SCARB1: variants seen among roughly 807,000 people sequenced by gnomAD.
SCARB1 encodes the protein scavenger receptor class B member 1, also known as CD36 and LIMPII analogous 1.
In SCARB1, 30 loss-of-function variants were observed where a neutral mutation model predicts 57.2. That is an observed-to-expected ratio of 0.52 (90% confidence interval 0.39 to 0.71). SCARB1 has a LOEUF of 0.71. Among genes scored for constraint, SCARB1 ranks in the 30% least tolerant of loss-of-function variants. The pLI is 0.00. For synonymous variants in SCARB1, 249 were observed against 268.3 expected, an observed-to-expected ratio of 0.93 and a Z score of 0.70; for missense variants, 543 against 671.2, an observed-to-expected ratio of 0.81 and a Z score of 2.11.
At chr12:124,808,461 G>A (rs886507044) in intron 6 of SCARB1, among the ~76,000 whole-genome samples, 1 of 151,980 alleles carries the variant, frequency 6.6e-6, no homozygotes, top group Non-Finnish European at 1.5e-5. Flanking sequence ...CTGTGCCCAG[G>A]GCCTCCCTGC....
At chr12:124,847,139 C>G (rs1952195560) in intron 1 of SCARB1, among the ~76,000 whole-genome samples, 1 of 152,360 alleles carries the variant, frequency 6.6e-6, no homozygotes, top group South Asian at 2.1e-4. Flanking sequence ...ATATGTCTTA[C>G]ACTTTCCTCA....
At chr12:124,863,424 C>T (rs1158798429) in intron 1 of SCARB1, among the ~76,000 whole-genome samples, 171 bp downstream of exon 1, 4 of 152,136 alleles carry the variant, frequency 2.6e-5, no homozygotes, top group African/African-American at 9.7e-5. Flanking sequence ...GGTGGGGAGG[C>T]GGGCAGCAGC....
At chr12:124,821,477 ATCTC>A (rs148511562) in intron 1 of SCARB1, 156 of 865,848 alleles carry the variant, frequency 1.8e-4, no homozygotes, top group East Asian at 6.2e-4. Context: ...CCATGTCTCA[ATCTC>A]TCTCTCTCTC....
At chr12:124,850,454 C>G (rs1257091200) in intron 1 of SCARB1, among the ~76,000 whole-genome samples, 3 of 150,498 alleles carry the variant, frequency 2.0e-5, no homozygotes. Flanking sequence ...GGCGGATCAC[C>G]TGAGGTCAGG....
chr12:124,824,175 CAA>C (rs35297518), intron 1 of SCARB1, among the ~76,000 whole-genome samples: 2,084 of 108,436 alleles, frequency 0.019, 22 homozygotes, highest in African/African-American at 0.033. Context: ...GATTTCATCT[CAA>C]AAAAAAAAAA....
intron 1 of SCARB1, among the ~76,000 whole-genome samples, chr12:124,852,293 C>A (rs555667733): frequency 6.6e-6 from 1 of 152,354 alleles, no homozygotes; most frequent in Non-Finnish European, 1.5e-5. Flanking sequence ...TGGAACCAGG[C>A]AGAAGTCATT....
intron 7 of SCARB1, among the ~76,000 whole-genome samples, chr12:124,802,221 C>T (rs2135605448): frequency 6.6e-6 from 1 of 151,816 alleles, no homozygotes; most frequent in South Asian, 2.1e-4. Context: ...TAACTAGAAC[C>T]TGTTACTGCA....
rs377702101 is a variant in SCARB1 at position 124,786,316 on chromosome 12, G to A, written c.1401+41C>T. On this transcript the variant is annotated intron_variant, in intron 11 of 12. Transcript: ENST00000261693. ...GGCCCCTTTCCCCCAGCAGGCAAGCGAATGGCTGTCAGCCCGGGCTGCCCT... is the reference window on the plus strand; with the variant it reads ...GGCCCCTTTCCCCCAGCAGGCAAGCAAATGGCTGTCAGCCCGGGCTGCCCT... 1.8e-4 allele frequency: 288 copies of A among 1,610,886 alleles called. 1 individual carries two copies. The highest frequency in any genetic ancestry group is 9.9e-4 in the Middle Eastern group (6 of 6,062).
intron 1 of SCARB1, among the ~76,000 whole-genome samples, chr12:124,856,604 A>G (rs1952640975): frequency 6.6e-6 from 1 of 152,246 alleles, no homozygotes; most frequent in Non-Finnish European, 1.5e-5. Context: ...CAGAATTGGC[A>G]CACACCTGTG....
At chr12:124,811,334 C>T (rs535226788) in intron 5 of SCARB1, among the ~76,000 whole-genome samples, 7 of 152,156 alleles carry the variant, frequency 4.6e-5, no homozygotes, top group East Asian at 1.9e-4. Context: ...AGTGAAATTG[C>T]GTGATCTCAG....
In SCARB1 at chr12:124,786,500, C is replaced by G. The variant is rs147047696; in HGVS notation, c.1258G>C (p.Gly420Arg). ...VLPLLWFAES[G>R]AMEGETLHTF... ...TGAAGAGTCTCCCCCTCCATGGCCC[C>G]GCTCTGAGGAGACAGAATGACAAAC... Residue 420 changes from glycine (G) to arginine (R), a missense_variant, in exon 11 of 13, where the codon GGG becomes CGG. By Grantham distance (125) the Gly-to-Arg change is moderately radical. Transcript: ENST00000261693. 2.5e-6 allele frequency: 4 copies of G among 1,613,912 alleles called. No homozygotes were observed. In the African/African-American group the frequency reaches 5.3e-5, roughly 22 times the overall value.
In SCARB1 at chr12:124,807,348, C is replaced by T. The variant is rs2135638949; in HGVS notation, c.1009+413G>A. Among the ~76,000 whole-genome samples, 1 of 152,178 alleles carries T rather than the reference C, an allele frequency of 6.6e-6. No homozygotes were observed. The highest frequency in any genetic ancestry group is 1.5e-5 in the Non-Finnish European group (1 of 68,000). ...GAGGACAGAGTGGATCAGAAGGATG[C>T]CATGTTGCTGGCCTCAAAGGTGGAG... On this transcript the variant is annotated intron_variant, in intron 7 of 12. Transcript: ENST00000261693. The surrounding 1 kb of genome is among the most constrained non-coding windows in gnomAD (Gnocchi z 5.3).
chr12:124,782,306 C>T (rs1354332907), intron 12 of SCARB1, among the ~76,000 whole-genome samples: 1 of 152,180 alleles, frequency 6.6e-6, no homozygotes, highest in African/African-American at 2.4e-5. Context: ...CCACCATGAT[C>T]CTATTCCAGA....
chr12:124,815,821 G>A (rs1950691218), intron 2 of SCARB1, among the ~76,000 whole-genome samples: 1 of 152,104 alleles, frequency 6.6e-6, no homozygotes, highest in Admixed American at 6.5e-5. Context: ...AGCCGAGATC[G>A]CGCCACCGCA....
At chr12:124,806,065 C>A (rs1950313434) in intron 7 of SCARB1, among the ~76,000 whole-genome samples, 1 of 152,166 alleles carries the variant, frequency 6.6e-6, no homozygotes, top group South Asian at 2.1e-4. Context: ...TCAATTTAAA[C>A]AGCCGCAAGA....
chr12:124,821,485 C>T (rs1304189238), intron 1 of SCARB1: 1 of 983,774 alleles, frequency 1.0e-6, no homozygotes, highest in Non-Finnish European at 1.2e-6. Context: ...CAATCTCTCT[C>T]TCTCTCTCTC....
rs1365995523 is a variant in SCARB1, at chr12:124,814,740, G to GA, written c.426+232dup. Among the ~76,000 whole-genome samples, 1 of 151,940 alleles carries GA rather than the reference G, an allele frequency of 6.6e-6. No homozygotes were observed. Among genetic ancestry groups the GA allele is most frequent in the South Asian group, 2.1e-4 (1 of 4,810 alleles). On this transcript the variant is annotated intron_variant, in intron 3 of 12. Transcript: ENST00000261693. This position sits in a 1 kb window ranked among gnomAD's most constrained non-coding sequence, Gnocchi z 4.7. ...ATCTCAGAAATGTAAATTGAAAAGG[G>GA]AAAAAAAAGTACTTTGGCCAGGACT...
rs188351540 is a variant in SCARB1, at chr12:124,827,949, T to A, written c.127-10242A>T. 2.4e-4 allele frequency among the ~76,000 whole-genome samples: 37 copies of A among 152,330 alleles called. No individual in the cohort carries two copies. The East Asian group carries it at 6.0e-3, about 25-fold the overall frequency. ...TCCTCAGCTGCTTTGTTTGGCGATG[T>A]GTCTGTCCTCAGGGCCTGGGACAGC... is the stretch of plus-strand genomic sequence containing the variant. On this transcript the variant is annotated intron_variant, in intron 1 of 12. Transcript: ENST00000261693.
chr12:124,815,237 A>G (rs1950665413), intron 2 of SCARB1, 123 bp from the exon 3 acceptor site: 16 of 1,129,018 alleles, frequency 1.4e-5, no homozygotes, highest in Non-Finnish European at 2.0e-5. Context: ...CTCCGGCCCC[A>G]CAGCCAAAGC....
Sources: allele counts gnomAD v4.1 joint callset (sites outside exome capture counted in the v4.1 genomes callset), GRCh38; gene constraint gnomAD v4.1.1; non-coding constraint Gnocchi (gnomAD v3.1); transcripts MANE v1.5; gene names NCBI Gene and HGNC (gene_info 2026-07-23, HGNC 2026-07-21).